Variants in RBM28 observed in about 807,000 individuals in gnomAD.
RBM28 encodes RNA-binding protein 28.
Under a neutral mutation model 98.3 loss-of-function variants are expected in RBM28, and 78 were observed. That is an observed-to-expected ratio of 0.79 (90% confidence interval 0.66 to 0.96). RBM28 has a LOEUF of 0.96. RBM28 is among the 40% of genes least tolerant of loss of function. The pLI is 0.00. For synonymous variants in RBM28, 306 were observed against 330.9 expected (o/e 0.92, Z 0.82); for missense variants, 838 against 913.0 (o/e 0.92, Z 1.06).
intron 9 of RBM28, among the ~76,000 whole-genome samples, chr7:128,332,641 C>T (rs915204696): frequency 1.3e-5 from 2 of 151,958 alleles, no homozygotes; most frequent in Non-Finnish European, 2.9e-5. Flanking sequence ...CCTGAGCCAC[C>T]GCACCCAAGA....
chr7:128,327,450 T>TTAGA (rs1387014022), intron 10 of RBM28, among the ~76,000 whole-genome samples: 1 of 152,192 alleles, frequency 6.6e-6, no homozygotes, highest in African/African-American at 2.4e-5. Flanking sequence ...CTTTCCTTGA[T>TTAGA]TAGATGCAGG....
At chr7:128,334,390 T>A (rs1208729483) in intron 8 of RBM28, among the ~76,000 whole-genome samples, 1 of 152,212 alleles carries the variant, frequency 6.6e-6, no homozygotes, top group East Asian at 1.9e-4. Context: ...CAGCTGACTG[T>A]GGGTTGTAGA....
rs559743548 is a variant in RBM28 at position 128,309,061 on chromosome 7, A to G, written c.*1736T>C. 1 of 152,226 alleles carries G rather than the reference A, an allele frequency of 6.6e-6. No individual in the cohort carries two copies. Among genetic ancestry groups the G allele is most frequent in the East Asian group, 1.9e-4 (1 of 5,186 alleles). The allele number at this position is 152,226 out of a possible 1,614,324, so 9.4% of individuals were successfully genotyped here. ...TTATTTGTAACACTCAACTAGACTAAGCAATCAAGAATTTTGGGCCACGTT... is the reference window on the plus strand; with the variant it reads ...TTATTTGTAACACTCAACTAGACTAGGCAATCAAGAATTTTGGGCCACGTT... On this transcript the variant is annotated 3_prime_UTR_variant, in exon 19 of 19. Coordinates refer to ENST00000223073, the MANE Select transcript of RBM28 (RefSeq NM_018077.3).
chr7:128,304,296 C>T lies in RBM28; in HGVS notation c.*6501G>A, dbSNP rs948374199. 2 of 152,172 alleles carry T rather than the reference C, an allele frequency of 1.3e-5. No homozygotes were observed. The highest frequency in any genetic ancestry group is 4.8e-5 in the African/African-American group (2 of 41,424). The allele number at this position is 152,172 out of a possible 1,614,324, so 9.4% of individuals were successfully genotyped here. ...TGTTTGCAATTCAACCATGATATGACACAACCAGACTACAAATAAATGTTT... is the reference window on the plus strand; with the variant it reads ...TGTTTGCAATTCAACCATGATATGATACAACCAGACTACAAATAAATGTTT... On this transcript the variant is annotated 3_prime_UTR_variant, in exon 19 of 19. Transcript: ENST00000223073.
Position 128,340,485 on chromosome 7 carries a change from C to G in RBM28, c.119-694G>C, listed in dbSNP as rs535427987. Among the ~76,000 whole-genome samples the G allele has an allele frequency of 5.3e-5, 8 of 152,276 alleles. No individual in the cohort carries two copies. The South Asian group carries it at 1.7e-3, about 32-fold the overall frequency. ...AGAAGGCTCTCACCAGATACAGCCA[C>G]TAAACTTTGGACTTCTCAGCCTCCA... On this transcript the variant is annotated intron_variant, in intron 1 of 18. Coordinates refer to ENST00000223073, the MANE Select transcript of RBM28 (RefSeq NM_018077.3).
chr7:128,310,878 C>T lies in RBM28; in HGVS notation c.2199G>A (p.Leu733=), dbSNP rs150256537. Residue 733 remains leucine, a synonymous_variant, in exon 19 of 19, where the codon CTG becomes CTA. Transcript: ENST00000223073. ...ATAATTTCTGCTTATATTGTTCGACCAGCTGGTTGAAGCGGGTTTCCGTCT... is the reference window on the plus strand; with the variant it reads ...ATAATTTCTGCTTATATTGTTCGACTAGCTGGTTGAAGCGGGTTTCCGTCT... The part of the protein sequence containing the change: ...GNKTETRFNQ[L]VEQYKQKLLG... 1 of 1,614,028 alleles carries T rather than the reference C, an allele frequency of 6.2e-7. No homozygotes were observed. The highest frequency in any genetic ancestry group is 1.3e-5 in the African/African-American group (1 of 75,036).
intron 16 of RBM28, 128 bp downstream of exon 16, chr7:128,317,531 G>A (rs1796130272): frequency 1.4e-6 from 1 of 712,004 alleles, no homozygotes. Context: ...TAGGGAACTG[G>A]GAGTAAAGGG....
At chr7:128,337,361 C>T (rs1026807884) in intron 5 of RBM28, among the ~76,000 whole-genome samples, 159 bp from the exon 6 acceptor site, 1 of 152,150 alleles carries the variant, frequency 6.6e-6, no homozygotes, top group Non-Finnish European at 1.5e-5. Context: ...TAGTCACTGC[C>T]TACTCCTTTT....
rs548440684 is a variant in RBM28, at chr7:128,339,750, T to C, written c.160A>G (p.Met54Val). Residue 54 changes from methionine (M) to valine (V), a missense_variant, in exon 2 of 19, where the codon ATG becomes GTG. Coordinates refer to ENST00000223073, the MANE Select transcript of RBM28 (RefSeq NM_018077.3). ...CRGFGYVTFSMLEDVQRALKE... is the reference protein window; with the variant it reads ...CRGFGYVTFSVLEDVQRALKE... ...AGGGCCCTCTGAACATCTTCCAGCA[T>C]TGAAAAAGTGACATAGCCAAAGCCT... is the stretch of plus-strand genomic sequence containing the variant. 31 of 1,614,022 alleles carry C rather than the reference T, an allele frequency of 1.9e-5. No individual in the cohort carries two copies. The highest frequency in any genetic ancestry group is 2.2e-5 in the East Asian group (1 of 44,874).
intron 9 of RBM28, 78 bp downstream of exon 9, chr7:128,333,212 A>T: frequency 1.7e-6 from 2 of 1,161,370 alleles, no homozygotes; most frequent in Non-Finnish European, 2.6e-6. Flanking sequence ...TAACAGAACT[A>T]GTGCCAAAAA....
Position 128,310,742 on chromosome 7 carries a change from A to AGGAGTG in RBM28, c.*49_*54dup. On this transcript the variant is annotated 3_prime_UTR_variant, in exon 19 of 19. Transcript: ENST00000223073. Reference sequence around the variant, plus strand: ...AGACACGGGGGATGGGGAGGAGCCCAGGAGTGTCACCAGAAAGTACACAAC... The same window carrying AGGAGTG: ...AGACACGGGGGATGGGGAGGAGCCCAGGAGTGGGAGTGTCACCAGAAAGTACACAAC... 6.2e-7 allele frequency: 1 copy of AGGAGTG among 1,607,034 alleles called. No individual in the cohort carries two copies. The highest frequency in any genetic ancestry group is 1.3e-5 in the African/African-American group (1 of 74,942).
chr7:128,301,465 A>G lies in RBM28; in HGVS notation c.*9332T>C, dbSNP rs151185664. The G allele has an allele frequency of 3.7e-3, 562 of 152,418 alleles. 2 individuals carry two copies. Among genetic ancestry groups the G allele is most frequent in the East Asian group, 0.013 (66 of 5,178 alleles). 9.4% of individuals were successfully genotyped at this position (152,418 alleles called of 1,614,324 possible). A position where few individuals can be genotyped will look rare whatever the true frequency, so the allele number is the denominator to read the frequency against. On this transcript the variant is annotated 3_prime_UTR_variant, in exon 19 of 19. Transcript: ENST00000223073. ...GTCCGTCAGCACTGACAGGGGCAAC[A>G]CCTGGCCTGGCACAAGGCTCTCCGC...
intron 4 of RBM28, 106 bp from the exon 5 acceptor site, chr7:128,338,448 C>T: frequency 3.2e-6 from 3 of 951,084 alleles, no homozygotes; most frequent in Non-Finnish European, 5.1e-6. Flanking sequence ...CCAAATTCTG[C>T]CAGCAGGTCA....
At chr7:128,324,842 C>T (rs1456252400) in intron 11 of RBM28, 148 bp from the exon 12 acceptor site, 3 of 1,077,032 alleles carry the variant, frequency 2.8e-6, no homozygotes, top group Admixed American at 3.6e-5. Context: ...GGTGAAACCT[C>T]GTCTCTACTA....
At chr7:128,324,891 G>A (rs1796314016) in intron 11 of RBM28, among the ~76,000 whole-genome samples, 197 bp from the exon 12 acceptor site, 3 of 152,122 alleles carry the variant, frequency 2.0e-5, no homozygotes, top group South Asian at 2.1e-4. Context: ...GTGTGCGCCT[G>A]TAATCCTACT....
chr7:128,318,130 T>G, intron 14 of RBM28, 24 bp from the exon 15 acceptor site: 1 of 1,595,272 alleles, frequency 6.3e-7, no homozygotes, highest in Non-Finnish European at 8.6e-7. Context: ...AAGAAAAAAA[T>G]CAGTAATTAC....
rs564192565 is a variant in RBM28 at position 128,313,184 on chromosome 7, C to T, written c.2136G>A (p.Ser712=). 22 of 1,613,886 alleles carry T rather than the reference C, an allele frequency of 1.4e-5. No homozygotes were observed. The highest frequency in any genetic ancestry group is 2.2e-5 in the East Asian group (1 of 44,882). Residue 712 remains serine (S), a synonymous_variant, in exon 18 of 19, where the codon TCG becomes TCA. Transcript: ENST00000223073. Reference sequence around the variant, plus strand: ...GTCCTGCAGAACTCACCTGCTCGGACGATAATTGCTGCTTCTCCTGCTTCC... The same window carrying T: ...GTCCTGCAGAACTCACCTGCTCGGATGATAATTGCTGCTTCTCCTGCTTCC... ...NQWKQEKQQL[S]SEQVSRKKAK...
rs1277214773 is a variant in RBM28, at chr7:128,308,644, C to G, written c.*2153G>C. 6.6e-6 allele frequency: 1 copy of G among 152,178 alleles called. No homozygotes were observed. Among genetic ancestry groups the G allele is most frequent in the African/African-American group, 2.4e-5 (1 of 41,440 alleles). The allele number at this position is 152,178 out of a possible 1,614,324, so 9.4% of individuals were successfully genotyped here. A position where few individuals can be genotyped will look rare whatever the true frequency, so the allele number is the denominator to read the frequency against. On this transcript the variant is annotated 3_prime_UTR_variant, in exon 19 of 19. Transcript: ENST00000223073. ...GGCCTCTCCTTCATCCATTTCTAAA[C>G]CAAAGGCATTTCAGAGCATTCATGG...
rs1396652855 is a variant in RBM28, at chr7:128,305,936, C to T, written c.*4861G>A. The T allele has an allele frequency of 6.6e-6, 1 of 152,240 alleles. No individual in the cohort carries two copies. The highest frequency in any genetic ancestry group is 1.5e-5 in the Non-Finnish European group (1 of 68,038). The allele number at this position is 152,240 out of a possible 1,614,324, so 9.4% of individuals were successfully genotyped here. ...AACAAGGACAGGTTGTTCGGCATCT[C>T]TTCAGGAGATGACTGTCTGGTACAT... is the stretch of plus-strand genomic sequence containing the variant. On this transcript the variant is annotated 3_prime_UTR_variant, in exon 19 of 19. Transcript: ENST00000223073.
Sources: allele counts gnomAD v4.1 joint callset (sites outside exome capture counted in the v4.1 genomes callset), GRCh38; gene constraint gnomAD v4.1.1; transcripts MANE v1.5; gene names NCBI Gene and HGNC (gene_info 2026-07-23, HGNC 2026-07-21).